The following WDR89 variants were observed in gnomAD, a reference collection of about 807,000 sequenced individuals.
WDR89 encodes the protein WD repeat domain 89.
Under a neutral mutation model 29.1 loss-of-function variants are expected in WDR89, and 17 were observed. That is an observed-to-expected ratio of 0.58 (90% CI 0.40 to 0.88). The LOEUF is 0.88. Ranked by LOEUF, WDR89 falls within the 40% of genes least tolerant of loss-of-function variation. The probability of loss-of-function intolerance (pLI) is 0.00; values close to 1 mark genes in which losing one functional copy is unlikely to be tolerated. For missense variants in WDR89, 396 were observed against 456.3 expected (o/e 0.87, Z 1.20); for synonymous variants, 138 against 157.8 (o/e 0.87, Z 0.94).
At chr14:63,637,297 C>T (rs540956479) in intron 1 of WDR89, among the ~76,000 whole-genome samples, 10 of 152,298 alleles carry the variant, frequency 6.6e-5, no homozygotes, top group African/African-American at 2.4e-4. Flanking sequence ...ACAGGGAACA[C>T]TTCCGCACTG....
At chr14:63,604,344 T>C (rs191641518) in intron 2 of WDR89, among the ~76,000 whole-genome samples, 1 of 151,386 alleles carries the variant, frequency 6.6e-6, no homozygotes, top group Non-Finnish European at 1.5e-5. Context: ...GCTCGGGAGG[T>C]GGAGGTTGCA....
chr14:63,605,968 C>T (rs981309967), intron 2 of WDR89, among the ~76,000 whole-genome samples: 1 of 151,976 alleles, frequency 6.6e-6, no homozygotes, highest in Non-Finnish European at 1.5e-5. Flanking sequence ...ATGATCCTGA[C>T]CGTGTGTGGG....
chr14:63,639,617 A>C (rs529954201), intron 1 of WDR89, among the ~76,000 whole-genome samples: 1 of 152,178 alleles, frequency 6.6e-6, no homozygotes, highest in Non-Finnish European at 1.5e-5. Context: ...TAACATAAAG[A>C]CCATTCCAGT....
intron 2 of WDR89, among the ~76,000 whole-genome samples, chr14:63,602,267 T>C (rs1388199855): frequency 1.3e-5 from 2 of 150,638 alleles, no homozygotes; most frequent in Non-Finnish European, 3.0e-5. Flanking sequence ...AGGTCAGGAG[T>C]TCGAGACCAG....
chr14:63,610,288 C>A (rs1881879447), intron 2 of WDR89, among the ~76,000 whole-genome samples: 1 of 149,166 alleles, frequency 6.7e-6, no homozygotes, highest in African/African-American at 2.5e-5. Flanking sequence ...ATCCATGAGT[C>A]CATACTGATA....
At chr14:63,629,337 C>T (rs896046402) in intron 1 of WDR89, among the ~76,000 whole-genome samples, 17 of 152,182 alleles carry the variant, frequency 1.1e-4, no homozygotes, top group African/African-American at 3.6e-4. Context: ...TATTCTCTTT[C>T]TGAAGCTCTT....
chr14:63,640,246 T>C (rs1038159210), intron 1 of WDR89, among the ~76,000 whole-genome samples: 1 of 152,170 alleles, frequency 6.6e-6, no homozygotes, highest in Non-Finnish European at 1.5e-5. Context: ...AAGAAAGAAT[T>C]TGAAAAGCAG....
At chr14:63,614,948 G>C (rs1882214590) in intron 2 of WDR89, among the ~76,000 whole-genome samples, 1 of 152,162 alleles carries the variant, frequency 6.6e-6, no homozygotes, top group East Asian at 1.9e-4. Flanking sequence ...CAAGATAGTG[G>C]TTGCAGCAAC....
At chr14:63,616,412 A>C (rs1454399840) in intron 2 of WDR89, among the ~76,000 whole-genome samples, 1 of 152,238 alleles carries the variant, frequency 6.6e-6, no homozygotes, top group East Asian at 1.9e-4. Flanking sequence ...ATACAGCCCA[A>C]TAACTAATTA....
chr14:63,613,246 A>T (rs913939937), intron 2 of WDR89, among the ~76,000 whole-genome samples: 1 of 152,104 alleles, frequency 6.6e-6, no homozygotes, highest in Non-Finnish European at 1.5e-5. Context: ...CGGTGAACAG[A>T]TCTGAAACAT....
At chr14:63,641,049 G>A (rs1354767284) in intron 1 of WDR89, among the ~76,000 whole-genome samples, 46 of 136,192 alleles carry the variant, frequency 3.4e-4, no homozygotes, top group South Asian at 1.1e-3. Flanking sequence ...AGTAAGCCGA[G>A]ATCGCCCCAC....
chr14:63,628,870 G>A (rs1377808429), intron 1 of WDR89, among the ~76,000 whole-genome samples: 1 of 151,990 alleles, frequency 6.6e-6, no homozygotes, highest in African/African-American at 2.4e-5. Flanking sequence ...AGGCTAAGGT[G>A]GGAGGATTGC....
intron 1 of WDR89, among the ~76,000 whole-genome samples, chr14:63,638,033 C>A (rs916304044): frequency 2.0e-5 from 3 of 152,066 alleles, no homozygotes; most frequent in Non-Finnish European, 4.4e-5. Context: ...GCAACCTCCG[C>A]CTCCCAGGTT....
chr14:63,632,894 T>C (rs985723704), intron 1 of WDR89, among the ~76,000 whole-genome samples: 1 of 152,162 alleles, frequency 6.6e-6, no homozygotes, highest in Admixed American at 6.5e-5. Context: ...TCCTAAAAGA[T>C]AGTCCTTTTA....
At chr14:63,606,425 C>G (rs561366623) in intron 2 of WDR89, among the ~76,000 whole-genome samples, 3 of 152,274 alleles carry the variant, frequency 2.0e-5, no homozygotes, top group African/African-American at 7.2e-5. Flanking sequence ...AAAAGTATCA[C>G]GCCAAGTGCT....
chr14:63,598,983 A>G lies in WDR89; in HGVS notation c.960T>C (p.His320=), dbSNP rs1475311106. Reference sequence around the variant, plus strand: ...AACAGAAAGAACGGACTGTAGCAGCATGCCCTCCCTGAAGGCTAGTCACAT... The same window carrying G: ...AACAGAAAGAACGGACTGTAGCAGCGTGCCCTCCCTGAAGGCTAGTCACAT... ...LTHVTSLQGG[H]AATVRSFCWN... is the part of the protein sequence containing the mutation. The change falls in exon 3 of 3, where the codon CAT becomes CAC. Residue 320 remains histidine, a synonymous_variant. Transcript: ENST00000620954. 6.2e-7 allele frequency: 1 copy of G among 1,614,206 alleles called. No homozygotes were observed. Among genetic ancestry groups the G allele is most frequent in the East Asian group, 2.2e-5 (1 of 44,890 alleles).
In WDR89 at chr14:63,598,707, C is replaced by G; in HGVS notation, c.*72G>C. 2 of 1,346,328 alleles carry G rather than the reference C, an allele frequency of 1.5e-6. No individual in the cohort carries two copies. The highest frequency in any genetic ancestry group is 2.0e-6 in the Non-Finnish European group (2 of 1,013,574). The allele number at this position is 1,346,328 out of a possible 1,614,324, so 83.4% of individuals were successfully genotyped here. A position where few individuals can be genotyped will look rare whatever the true frequency, so the allele number is the denominator to read the frequency against. On this transcript the variant is annotated 3_prime_UTR_variant, in exon 3 of 3. Transcript: ENST00000620954. ...TTTTTACATAAAGCTTTAAACATGT[C>G]TACCATGGGTAGTAAACAAGAAGGA...
In WDR89 at chr14:63,597,765, T is replaced by G. The variant is rs1193933554; in HGVS notation, c.*1014A>C. The G allele has an allele frequency of 6.6e-6, 1 of 152,232 alleles. No individual in the cohort carries two copies. Among genetic ancestry groups the G allele is most frequent in the Non-Finnish European group, 1.5e-5 (1 of 68,060 alleles). The allele number at this position is 152,232 out of a possible 1,614,324, so 9.4% of individuals were successfully genotyped here. A position where few individuals can be genotyped will look rare whatever the true frequency, so the allele number is the denominator to read the frequency against. On this transcript the variant is annotated 3_prime_UTR_variant, in exon 3 of 3. Coordinates refer to ENST00000620954, the MANE Select transcript of WDR89 (RefSeq NM_080666.4). ...ATCAAAACATCAATGTACTGAAGATTTTAAGCAGCATGAGGCACCATCACG... is the reference window on the plus strand; with the variant it reads ...ATCAAAACATCAATGTACTGAAGATGTTAAGCAGCATGAGGCACCATCACG...
chr14:63,602,876 C>A (rs1895140103), intron 2 of WDR89, among the ~76,000 whole-genome samples: 1 of 151,722 alleles, frequency 6.6e-6, no homozygotes, highest in African/African-American at 2.4e-5. Flanking sequence ...CATCAAACAG[C>A]AAAAAATATT....
Sources: gnomAD v4.1 joint callset for allele counts (sites outside exome capture counted in the v4.1 genomes callset) on GRCh38, gnomAD v4.1.1 for gene constraint, MANE v1.5 for transcripts, NCBI Gene and HGNC (gene_info 2026-07-23, HGNC 2026-07-21) for gene names.